The following DOK3 variants were observed in gnomAD, a reference collection of about 807,000 sequenced individuals.
DOK3 encodes docking protein 3.
Under a neutral mutation model 26.2 loss-of-function variants are expected in DOK3, and 23 were observed. The ratio of observed to expected loss-of-function variants is 0.88; its 90% CI spans 0.63 to 1.24. The LOEUF (loss-of-function observed/expected upper bound fraction) is 1.24, where lower values mean the gene tolerates loss of function less well. Among genes scored for constraint, DOK3 ranks in the 50% most tolerant of loss-of-function variants. The pLI is 0.00. For synonymous variants in DOK3, 268 were observed against 268.2 expected (o/e 1.00, Z 0.01); for missense variants, 619 against 610.6 (o/e 1.01, Z -0.15).
upstream of DOK3, chr5:177,510,101 A>G (rs1760805163): frequency 3.3e-6 from 2 of 608,056 alleles, no homozygotes; most frequent in African/African-American, 1.9e-5. Context: ...CCCAGGGGCC[A>G]CTGCCCCACT....
At position 177,503,315 on chromosome 5, in the gene DOK3, A is replaced by C. The variant is rs1210540385; in HGVS notation, c.*668T>G. 1.3e-6 allele frequency: 2 copies of C among 1,551,428 alleles called. No homozygotes were observed. Among genetic ancestry groups the C allele is most frequent in the Non-Finnish European group, 1.7e-6 (2 of 1,146,722 alleles). On this transcript the variant is annotated 3_prime_UTR_variant, in exon 6 of 6. Coordinates refer to ENST00000510898, the MANE Select transcript of DOK3 (RefSeq NM_001308236.3). ...AGTAGGCACGCAGCAAACTCTCATC[A>C]AGGATTATGCCTGATACGTCATCGG...
chr5:177,504,908 C>T lies in DOK3; in HGVS notation c.480G>A (p.Glu160=). 1 of 1,586,752 alleles carries T rather than the reference C, an allele frequency of 6.3e-7. No individual in the cohort carries two copies. The change falls in exon 5 of 6, where the codon GAG becomes GAA. Residue 160 remains glutamate, a synonymous_variant. Transcript: ENST00000510898. ...SIYSSWQEVG[E]FPVVVQRTEA... ...CAGTCCTCTGCACCACCACGGGAAA[C>T]TCGCCCACTGTGGCAGGTGGCCAGG... is the stretch of plus-strand genomic sequence containing the variant.
upstream of DOK3, chr5:177,510,044 C>A: frequency 1.4e-6 from 1 of 730,042 alleles, no homozygotes; most frequent in Non-Finnish European, 2.3e-6. Flanking sequence ...TTCACCTGCT[C>A]CTCTCCACCT....
rs1217103148 is a variant in DOK3 at position 177,503,872 on chromosome 5, G to A, written c.*111C>T. 5 of 1,440,370 alleles carry A rather than the reference G, an allele frequency of 3.5e-6. No homozygotes were observed. The highest frequency in any genetic ancestry group is 2.7e-5 in the Admixed American group (1 of 36,706). The allele number at this position is 1,440,370 out of a possible 1,614,324, so 89.2% of individuals were successfully genotyped here. The stretch of plus-strand genomic sequence containing the variant: ...CAGGCGGCCTGCCTTGTTCCTGCAG[G>A]CCAGGGTGGACACAGGCGTGTGTCT... On this transcript the variant is annotated 3_prime_UTR_variant, in exon 6 of 6. Coordinates refer to ENST00000510898, the MANE Select transcript of DOK3 (RefSeq NM_001308236.3).
At chr5:177,509,723 C>T in intron 1 of DOK3, 35 bp downstream of exon 1, 2 of 1,610,994 alleles carry the variant, frequency 1.2e-6, no homozygotes, top group Admixed American at 1.7e-5. Context: ...TATTTCCTCC[C>T]TGGGGTTCTG....
rs765181257 is a variant in DOK3 at position 177,503,998 on chromosome 5, A to G, written c.1308T>C (p.Pro436=). The change falls in exon 6 of 6, where the codon CCT becomes CCC. Residue 436 remains proline (P), a synonymous_variant. Coordinates refer to ENST00000510898, the MANE Select transcript of DOK3 (RefSeq NM_001308236.3). ...LSRERRKGPA[P]CDRP ...TGCTGGGCGTTCAGGGCCGGTCACA[A>G]GGGGCTGGGCCCTTCCTCCGCTCAC... is the stretch of plus-strand genomic sequence containing the variant. The G allele has an allele frequency of 2.8e-5, 43 of 1,553,780 alleles. No homozygotes were observed. The highest frequency in any genetic ancestry group is 3.7e-5 in the Non-Finnish European group (43 of 1,149,698).
At chr5:177,509,693 C>A in intron 1 of DOK3, 36 bp from the exon 2 acceptor site, 1 of 1,602,702 alleles carries the variant, frequency 6.2e-7, no homozygotes, top group African/African-American at 1.3e-5. Context: ...GTCTTCAGCT[C>A]AGGGGCTGGG....
chr5:177,505,119 T>C lies in DOK3; in HGVS notation c.373-9A>G. ...GAGGCCTCCCCTGTCCCCTGGGGAATGAGTTCAAGTCAAAGGTGAGAGCAC... is the reference window on the plus strand; with the variant it reads ...GAGGCCTCCCCTGTCCCCTGGGGAACGAGTTCAAGTCAAAGGTGAGAGCAC... On this transcript the variant is annotated splice_polypyrimidine_tract_variant and intron_variant, in intron 3 of 5. Transcript: ENST00000510898. 1 of 1,597,842 alleles carries C rather than the reference T, an allele frequency of 6.3e-7. No homozygotes were observed. The highest frequency in any genetic ancestry group is 8.5e-7 in the Non-Finnish European group (1 of 1,172,442).
intron 2 of DOK3, chr5:177,509,249 T>C: frequency 1.9e-6 from 1 of 523,072 alleles, no homozygotes; most frequent in South Asian, 2.6e-5. Context: ...ACTCCTGTAT[T>C]TCCCATCTCT....
At chr5:177,510,122 G>C, upstream of DOK3, 1 of 591,146 alleles carries the variant, frequency 1.7e-6, no homozygotes, top group East Asian at 2.8e-5. Flanking sequence ...GGGCCTCCAT[G>C]CAGCACTCTC....
chr5:177,509,853 G>A (rs932376494), upstream of DOK3: 8 of 1,610,460 alleles, frequency 5.0e-6, no homozygotes, highest in African/African-American at 2.7e-5. Flanking sequence ...CCCGAGTCAT[G>A]AGTTCCCGCC....
At chr5:177,508,601 G>A in intron 2 of DOK3, 59 bp from the exon 3 acceptor site, 1 of 1,448,752 alleles carries the variant, frequency 6.9e-7, no homozygotes, top group South Asian at 1.4e-5. Flanking sequence ...CGTGCCACTT[G>A]GCTCAGCACA....
rs1435968723 is a variant in DOK3, at chr5:177,503,236, G to C, written c.*747C>G. 2 of 1,551,418 alleles carry C rather than the reference G, an allele frequency of 1.3e-6. No individual in the cohort carries two copies. The highest frequency in any genetic ancestry group is 2.7e-5 in the African/African-American group (2 of 73,026). Reference sequence around the variant, plus strand: ...TCCCCCTGGAATGTCGGCTCCCGGAGAACAGGACCAAGGCTGTCCTGAACA... The same window carrying C: ...TCCCCCTGGAATGTCGGCTCCCGGACAACAGGACCAAGGCTGTCCTGAACA... On this transcript the variant is annotated 3_prime_UTR_variant, in exon 6 of 6. Transcript: ENST00000510898.
At chr5:177,508,708 C>T (rs1001407768) in intron 2 of DOK3, 166 bp from the exon 3 acceptor site, 4 of 726,496 alleles carry the variant, frequency 5.5e-6, no homozygotes, top group African/African-American at 5.3e-5. Context: ...TGGGATTGGT[C>T]AGCCCTGGGT....
In DOK3 at chr5:177,504,729, C is replaced by A. The variant is rs761925814; in HGVS notation, c.645+14G>T. On this transcript the variant is annotated intron_variant, in intron 5 of 5. Coordinates refer to ENST00000510898, the MANE Select transcript of DOK3 (RefSeq NM_001308236.3). ...GGTGTCAGCCCCTCACCCTTTCCCA[C>A]CCCTGCACCTCACCTTGTCGGAGCC... 2.5e-5 allele frequency: 41 copies of A among 1,613,856 alleles called. No homozygotes were observed. The highest frequency in any genetic ancestry group is 3.1e-5 in the Non-Finnish European group (36 of 1,179,912).
Position 177,503,796 on chromosome 5 carries a change from T to C in DOK3, c.*187A>G, listed in dbSNP as rs542402349. 1.5e-5 allele frequency: 21 copies of C among 1,427,120 alleles called. No homozygotes were observed. The highest frequency in any genetic ancestry group is 2.5e-5 in the East Asian group (1 of 39,450). The allele number at this position is 1,427,120 out of a possible 1,614,324, so 88.4% of individuals were successfully genotyped here. A position where few individuals can be genotyped will look rare whatever the true frequency, so the allele number is the denominator to read the frequency against. ...GAGCTGCTCTGAGCTTTATTATCTG[T>C]GAGTCTGCACACTATTCATGAGGAG... On this transcript the variant is annotated 3_prime_UTR_variant, in exon 6 of 6. Coordinates refer to ENST00000510898, the MANE Select transcript of DOK3 (RefSeq NM_001308236.3).
rs371491459 is a variant in DOK3, at chr5:177,504,503, G to T, written c.803C>A (p.Pro268His). 11 of 1,587,588 alleles carry T rather than the reference G, an allele frequency of 6.9e-6. No individual in the cohort carries two copies. The highest frequency in any genetic ancestry group is 9.4e-6 in the Non-Finnish European group (11 of 1,170,118). Residue 268 changes from proline (P) to histidine (H), a missense_variant, in exon 6 of 6, where the codon CCC becomes CAC. Coordinates refer to ENST00000510898, the MANE Select transcript of DOK3 (RefSeq NM_001308236.3). Reference sequence around the variant, plus strand: ...GGGCAGAGAGGTGGCCCGTGGCAGGGGGCAGGGCTGGGGCCTGGTCAGCTC... The same window carrying T: ...GGGCAGAGAGGTGGCCCGTGGCAGGTGGCAGGGCTGGGGCCTGGTCAGCTC... ...LPELTRPQPCPLPRATSLPSL... is the reference protein window; with the variant it reads ...LPELTRPQPCHLPRATSLPSL...
At chr5:177,507,676 C>T (rs1024426931) in intron 3 of DOK3, among the ~76,000 whole-genome samples, 2 of 152,174 alleles carry the variant, frequency 1.3e-5, no homozygotes, top group African/African-American at 2.4e-5. Context: ...TTTGAAGAAC[C>T]CCCAGGCTCA....
Position 177,502,200 on chromosome 5 carries a change from G to A in DOK3, c.*1783C>T, listed in dbSNP as rs540286776. ...AATAAGGTTGGTGACTCTAATAAAA[G>A]CCACATAATGGCATCATGGGGATGA... On this transcript the variant is annotated 3_prime_UTR_variant, in exon 6 of 6. Transcript: ENST00000510898. 1 of 152,336 alleles carries A rather than the reference G, an allele frequency of 6.6e-6. No individual in the cohort carries two copies. Among genetic ancestry groups the A allele is most frequent in the South Asian group, 2.1e-4 (1 of 4,828 alleles). 9.4% of individuals were successfully genotyped at this position (152,336 alleles called of 1,614,324 possible). A position where few individuals can be genotyped will look rare whatever the true frequency, so the allele number is the denominator to read the frequency against.
Sources: allele counts gnomAD v4.1 joint callset (sites outside exome capture counted in the v4.1 genomes callset), GRCh38; gene constraint gnomAD v4.1.1; transcripts MANE v1.5; gene names NCBI Gene and HGNC (gene_info 2026-07-23, HGNC 2026-07-21).